Variants in GLRA3 observed in about 807,000 individuals in gnomAD.
The protein encoded by GLRA3 is glycine receptor subunit alpha-3.
GLRA3 carries 44 observed loss-of-function variants against 60.4 expected under a neutral mutation model. The observed-to-expected ratio is 0.73, with a 90% CI of 0.57 to 0.94. GLRA3 has a LOEUF of 0.94. Among genes scored for constraint, GLRA3 ranks in the 40% least tolerant of loss-of-function variants. GLRA3 has a pLI of 0.00. For missense variants in GLRA3, 508 were observed against 564.6 expected (o/e 0.90, Z 1.02); for synonymous variants, 223 against 192.9 (o/e 1.16, Z -1.29).
intron 3 of GLRA3, among the ~76,000 whole-genome samples, chr4:174,757,898 G>A (rs1297793364): frequency 6.6e-6 from 1 of 152,124 alleles, no homozygotes; most frequent in Non-Finnish European, 1.5e-5. Flanking sequence ...GGAGATGTTT[G>A]GGTCACGGGG....
chr4:174,713,026 A>C (rs1234866181), intron 5 of GLRA3, among the ~76,000 whole-genome samples: 2 of 151,950 alleles, frequency 1.3e-5, no homozygotes, highest in Non-Finnish European at 2.9e-5. Context: ...TTGTCCTAAA[A>C]AAGTTTTAAG....
At chr4:174,712,359 C>T (rs1735746942) in intron 5 of GLRA3, among the ~76,000 whole-genome samples, 1 of 151,904 alleles carries the variant, frequency 6.6e-6, no homozygotes, top group Non-Finnish European at 1.5e-5. Context: ...CATTATATTT[C>T]AGGTAGCCTC....
chr4:174,745,927 A>G (rs1737227618), intron 3 of GLRA3, among the ~76,000 whole-genome samples: 1 of 152,206 alleles, frequency 6.6e-6, no homozygotes, highest in Non-Finnish European at 1.5e-5. Flanking sequence ...AAGGAAATTC[A>G]AATAAAAAAC....
At chr4:174,736,609 G>C (rs1561086395) in intron 3 of GLRA3, among the ~76,000 whole-genome samples, 2 of 152,096 alleles carry the variant, frequency 1.3e-5, no homozygotes, top group African/African-American at 2.4e-5. Context: ...CTTAGCATAA[G>C]TTTTTACAAG....
chr4:174,797,876 A>G (rs1739633642), intron 1 of GLRA3, among the ~76,000 whole-genome samples: 1 of 151,992 alleles, frequency 6.6e-6, no homozygotes, highest in East Asian at 1.9e-4. Flanking sequence ...GAGAGCCATG[A>G]CTGTGTCACT....
intron 1 of GLRA3, among the ~76,000 whole-genome samples, chr4:174,822,361 C>T (rs903252755): frequency 6.6e-6 from 1 of 152,064 alleles, no homozygotes; most frequent in Non-Finnish European, 1.5e-5. Context: ...TTTTTATGAA[C>T]AGGAAGGTCA....
intron 7 of GLRA3, among the ~76,000 whole-genome samples, chr4:174,671,025 T>C (rs1452363052): frequency 1.3e-5 from 2 of 152,120 alleles, no homozygotes; most frequent in Non-Finnish European, 2.9e-5. Context: ...TTTTCTAAAT[T>C]AATGTATATG....
intron 1 of GLRA3, among the ~76,000 whole-genome samples, chr4:174,826,594 A>T (rs546081178): frequency 1.2e-3 from 156 of 127,564 alleles, no homozygotes; most frequent in African/African-American, 2.8e-3. Context: ...TAAAAATTTT[A>T]AAAAAATCTT....
At chr4:174,781,791 A>C (rs943582697) in intron 2 of GLRA3, among the ~76,000 whole-genome samples, 2 of 152,306 alleles carry the variant, frequency 1.3e-5, no homozygotes, top group East Asian at 3.9e-4. Flanking sequence ...TGAATAGACC[A>C]ATAACATGCT....
At chr4:174,675,962 G>T (rs66924837) in intron 7 of GLRA3, among the ~76,000 whole-genome samples, 54,295 of 151,936 alleles carry the variant, frequency 0.36, 10,327 homozygotes, top group Middle Eastern at 0.45. Context: ...CAAGAAGATA[G>T]CATCAAATGC....
intron 9 of GLRA3, among the ~76,000 whole-genome samples, chr4:174,645,445 G>T (rs1205558062): frequency 6.8e-6 from 1 of 147,212 alleles, no homozygotes; most frequent in Non-Finnish European, 1.5e-5. Context: ...AAAAGAAAAT[G>T]ATGTTGGTTC....
At chr4:174,797,923 C>CA (rs200168895) in intron 1 of GLRA3, among the ~76,000 whole-genome samples, 1,911 of 126,288 alleles carry the variant, frequency 0.015, 24 homozygotes, top group African/African-American at 0.041. Flanking sequence ...GACCCTATCT[C>CA]AAAAAAAAAA....
chr4:174,646,374 G>A (rs1004768098), intron 9 of GLRA3, among the ~76,000 whole-genome samples: 1 of 152,216 alleles, frequency 6.6e-6, no homozygotes, highest in East Asian at 1.9e-4. Context: ...TGAGTAAAGA[G>A]TTAATACCCA....
chr4:174,678,740 T>C (rs59690175), intron 6 of GLRA3, among the ~76,000 whole-genome samples: 26,276 of 152,112 alleles, frequency 0.17, 2,559 homozygotes, highest in African/African-American at 0.26. Flanking sequence ...ATATACAAAA[T>C]GCCTAAAGAT....
intron 1 of GLRA3, among the ~76,000 whole-genome samples, 163 bp downstream of exon 1, chr4:174,828,578 A>G (rs1025401422): frequency 6.6e-6 from 1 of 152,226 alleles, no homozygotes; most frequent in South Asian, 2.1e-4. Flanking sequence ...GTCTCAGTAG[A>G]TAGACTGCTA....
chr4:174,646,616 T>C (rs1018539326), intron 9 of GLRA3, among the ~76,000 whole-genome samples: 1 of 152,108 alleles, frequency 6.6e-6, no homozygotes, highest in African/African-American at 2.4e-5. Flanking sequence ...GTGAAGGCAA[T>C]CATAAACACC....
rs1732588761 is a variant in GLRA3, at chr4:174,639,965, G to T, written c.*3821C>A. The stretch of plus-strand genomic sequence containing the variant: ...TTATGGGTACTTTATTTGCAAGAGG[G>T]AATCTGTGTGAACATTTACACTATT... On this transcript the variant is annotated 3_prime_UTR_variant, in exon 10 of 10. Coordinates refer to ENST00000274093, the MANE Select transcript of GLRA3 (RefSeq NM_006529.4). 6.6e-6 allele frequency: 1 copy of T among 152,046 alleles called. No homozygotes were observed. Among genetic ancestry groups the T allele is most frequent in the Non-Finnish European group, 1.5e-5 (1 of 67,980 alleles). The allele number at this position is 152,046 out of a possible 1,614,324, so 9.4% of individuals were successfully genotyped here.
chr4:174,780,577 T>C (rs1359372863), intron 2 of GLRA3, among the ~76,000 whole-genome samples: 2 of 148,258 alleles, frequency 1.3e-5, no homozygotes, highest in South Asian at 2.2e-4. Context: ...CCATCTCACA[T>C]GCAGAGACAC....
At chr4:174,677,367 CT>C (rs1018797499) in intron 6 of GLRA3, 75 bp from the exon 7 acceptor site, 6,569 of 697,858 alleles carry the variant, frequency 9.4e-3, no homozygotes, top group South Asian at 0.016. Context: ...CACAATTTCT[CT>C]TTTTTTTTTG....
Sources: allele counts gnomAD v4.1 joint callset (sites outside exome capture counted in the v4.1 genomes callset), GRCh38; gene constraint gnomAD v4.1.1; transcripts MANE v1.5; gene names NCBI Gene and HGNC (gene_info 2026-07-23, HGNC 2026-07-21).